Variants in ASAP2 observed in about 807,000 individuals in gnomAD.
ASAP2 encodes the protein ArfGAP with SH3 domain, ankyrin repeat and PH domain 2, also known as arf-GAP with SH3 domain, ANK repeat and PH domain-containing protein 2.
In ASAP2, 45 loss-of-function variants were observed where a neutral mutation model predicts 131.4. The ratio of observed to expected loss-of-function variants is 0.34; its 90% CI spans 0.27 to 0.44. The LOEUF is 0.44. Among genes scored for constraint, ASAP2 ranks in the 20% least tolerant of loss-of-function variants. The pLI, the probability that ASAP2 is intolerant of heterozygous loss-of-function variation, is 1.00. For missense variants in ASAP2, 1,011 were observed against 1,297.0 expected (o/e 0.78, Z 3.39); for synonymous variants, 510 against 503.0 (o/e 1.01, Z -0.19).
chr2:9,332,763 T>G (rs1670928724), intron 7 of ASAP2, among the ~76,000 whole-genome samples: 3 of 152,222 alleles, frequency 2.0e-5, no homozygotes, highest in Admixed American at 2.0e-4. Context: ...TCCTCCTATC[T>G]ATTTCACAAG....
intron 1 of ASAP2, among the ~76,000 whole-genome samples, chr2:9,256,523 G>A (rs541542221): frequency 6.6e-6 from 1 of 152,204 alleles, no homozygotes; most frequent in African/African-American, 2.4e-5. Flanking sequence ...TGTTGTTAGT[G>A]GTAGAGAGTT....
chr2:9,401,407 G>A lies in ASAP2; in HGVS notation c.2946+11G>A, dbSNP rs1278122593. 1 of 1,612,626 alleles carries A rather than the reference G, an allele frequency of 6.2e-7. No homozygotes were observed. The highest frequency in any genetic ancestry group is 1.1e-5 in the South Asian group (1 of 90,944). On this transcript the variant is annotated intron_variant, in intron 27 of 27. Coordinates refer to ENST00000281419, the MANE Select transcript of ASAP2 (RefSeq NM_003887.3). The stretch of plus-strand genomic sequence containing the variant: ...GACCAGGAGTGGTGGGTGAGTCAAG[G>A]GTGGGCCTGGGAGGTTCCTGGGGGC...
chr2:9,388,964 C>T (rs10184450), intron 22 of ASAP2, among the ~76,000 whole-genome samples: 7,695 of 152,230 alleles, frequency 0.051, 489 homozygotes, highest in African/African-American at 0.14. Flanking sequence ...ATGGCCCCTG[C>T]GATTACTTCT....
intron 22 of ASAP2, among the ~76,000 whole-genome samples, 197 bp from the exon 23 acceptor site, chr2:9,390,865 C>T (rs1029329577): frequency 1.1e-4 from 17 of 152,224 alleles, no homozygotes; most frequent in Non-Finnish European, 2.5e-4. Context: ...GGAGCCTCTT[C>T]GGTTTCGCGA....
chr2:9,289,489 A>G (rs16866981), intron 2 of ASAP2, among the ~76,000 whole-genome samples: 50,374 of 152,020 alleles, frequency 0.33, 8,547 homozygotes, highest in Non-Finnish European at 0.36. Context: ...AATGAATAAA[A>G]GTAAATGCGG....
intron 7 of ASAP2, among the ~76,000 whole-genome samples, chr2:9,329,423 C>T (rs1670687657): frequency 6.6e-6 from 1 of 152,074 alleles, no homozygotes; most frequent in South Asian, 2.1e-4. Flanking sequence ...CTTCACGGAC[C>T]CTGGGGTCTC....
intron 1 of ASAP2, among the ~76,000 whole-genome samples, chr2:9,263,795 C>T (rs1459734776): frequency 6.6e-6 from 1 of 152,232 alleles, no homozygotes; most frequent in African/African-American, 2.4e-5. Flanking sequence ...CCACTTCAGG[C>T]ACAGTTGACG....
intron 2 of ASAP2, among the ~76,000 whole-genome samples, chr2:9,284,068 G>A (rs1558295752): frequency 6.6e-6 from 1 of 152,200 alleles, no homozygotes; most frequent in Non-Finnish European, 1.5e-5. Flanking sequence ...GCCTCATCCA[G>A]ATAATCCAGA....
intron 16 of ASAP2, among the ~76,000 whole-genome samples, chr2:9,371,409 C>A (rs74651263): frequency 0.028 from 4,249 of 152,316 alleles, 194 homozygotes; most frequent in African/African-American, 0.097. Flanking sequence ...TATGTTGCTT[C>A]TGGTGAACCA....
At chr2:9,258,527 C>T (rs1665337506) in intron 1 of ASAP2, among the ~76,000 whole-genome samples, 1 of 152,024 alleles carries the variant, frequency 6.6e-6, no homozygotes, top group African/African-American at 2.4e-5. Flanking sequence ...CACCTAAGGC[C>T]CCAATCCGAG....
chr2:9,350,998 T>C (rs1464828967), intron 12 of ASAP2, 103 bp downstream of exon 12: 4 of 864,612 alleles, frequency 4.6e-6, no homozygotes, highest in Non-Finnish European at 6.9e-6. Flanking sequence ...AATTGGTTTT[T>C]GAAGAGACAT....
intron 1 of ASAP2, among the ~76,000 whole-genome samples, chr2:9,244,252 C>T (rs529834879): frequency 3.3e-5 from 5 of 152,196 alleles, no homozygotes; most frequent in South Asian, 2.1e-4. Context: ...GCCAAGATCG[C>T]GCCACTGCAC....
intron 3 of ASAP2, among the ~76,000 whole-genome samples, chr2:9,314,926 A>C (rs1313674716): frequency 1.5e-5 from 1 of 68,054 alleles, no homozygotes. Flanking sequence ...CCATCTCAAA[A>C]AAAAAAAAAA....
chr2:9,299,099 G>A (rs1479051341), intron 3 of ASAP2, among the ~76,000 whole-genome samples: 1 of 152,158 alleles, frequency 6.6e-6, no homozygotes, highest in Non-Finnish European at 1.5e-5. Context: ...ACTGGCAGGT[G>A]TTTTAGAAAG....
intron 1 of ASAP2, among the ~76,000 whole-genome samples, chr2:9,246,264 A>G (rs921152168): frequency 6.6e-6 from 1 of 152,220 alleles, no homozygotes; most frequent in African/African-American, 2.4e-5. Context: ...ACCACTTATT[A>G]CACTGAGCAA....
chr2:9,350,703 G>T (rs967853643), intron 11 of ASAP2, 105 bp from the exon 12 acceptor site: 6 of 942,160 alleles, frequency 6.4e-6, no homozygotes, highest in Admixed American at 5.2e-5. Context: ...TTGCAAACTA[G>T]TGAAGAGCTT....
intron 1 of ASAP2, among the ~76,000 whole-genome samples, chr2:9,249,951 C>CTGT (rs1404985804): frequency 6.6e-6 from 1 of 152,184 alleles, no homozygotes. Flanking sequence ...CATCAAAAGG[C>CTGT]TACATGCCAT....
intron 16 of ASAP2, among the ~76,000 whole-genome samples, chr2:9,372,572 A>G (rs2094750900): frequency 1.3e-5 from 2 of 152,230 alleles, no homozygotes. Flanking sequence ...CTTTTGAATA[A>G]AGGCCCAGAA....
chr2:9,237,951 T>G (rs949422708), intron 1 of ASAP2, among the ~76,000 whole-genome samples: 1 of 152,130 alleles, frequency 6.6e-6, no homozygotes, highest in Non-Finnish European at 1.5e-5. Flanking sequence ...TAGAGGTGAG[T>G]GGCATTCTGT....
Sources: gnomAD v4.1 joint callset for allele counts (sites outside exome capture counted in the v4.1 genomes callset) on GRCh38, gnomAD v4.1.1 for gene constraint, MANE v1.5 for transcripts, NCBI Gene and HGNC (gene_info 2026-07-23, HGNC 2026-07-21) for gene names.